The following CCBE1 variants were observed in gnomAD, a reference collection of about 807,000 sequenced individuals.
CCBE1 encodes the protein collagen and calcium binding EGF domains 1.
Under a neutral mutation model 50.0 loss-of-function variants are expected in CCBE1, and 37 were observed. The ratio of observed to expected loss-of-function variants is 0.74; its 90% CI spans 0.57 to 0.97. The LOEUF is 0.97. CCBE1 is among the 50% of genes least tolerant of loss of function. The pLI, the probability that CCBE1 is intolerant of heterozygous loss-of-function variation, is 0.00. For synonymous variants in CCBE1, 234 were observed against 203.7 expected (o/e 1.15, Z -1.27); for missense variants, 538 against 523.8 (o/e 1.03, Z -0.26).
chr18:59,539,976 C>T (rs1295136801), intron 2 of CCBE1, among the ~76,000 whole-genome samples: 2 of 152,120 alleles, frequency 1.3e-5, no homozygotes, highest in Non-Finnish European at 2.9e-5. Flanking sequence ...TTGGTAAGTT[C>T]TCCCTACCCA....
chr18:59,449,357 C>T (rs1910822133), intron 6 of CCBE1, among the ~76,000 whole-genome samples: 1 of 141,016 alleles, frequency 7.1e-6, no homozygotes, highest in Non-Finnish European at 1.5e-5. Flanking sequence ...CACTGTGGCT[C>T]ATGTCTCTAA....
intron 2 of CCBE1, among the ~76,000 whole-genome samples, chr18:59,541,561 G>C (rs959119686): frequency 1.3e-5 from 2 of 152,156 alleles, no homozygotes; most frequent in Non-Finnish European, 2.9e-5. Context: ...GAAAAGGGGG[G>C]TATAGTTCTG....
chr18:59,456,516 C>T (rs1190359930), intron 5 of CCBE1, among the ~76,000 whole-genome samples: 5 of 152,088 alleles, frequency 3.3e-5, no homozygotes, highest in Non-Finnish European at 5.9e-5. Flanking sequence ...AAAAATTGCC[C>T]GCTGATGACC....
At chr18:59,566,522 T>C (rs1361025860) in intron 2 of CCBE1, among the ~76,000 whole-genome samples, 3 of 152,204 alleles carry the variant, frequency 2.0e-5, no homozygotes, top group Non-Finnish European at 4.4e-5. Flanking sequence ...TCGCCAGATT[T>C]ATCCTTAATA....
intron 2 of CCBE1, among the ~76,000 whole-genome samples, chr18:59,651,038 C>T (rs1488823581): frequency 4.6e-5 from 7 of 152,128 alleles, no homozygotes; most frequent in African/African-American, 7.2e-5. Context: ...ACCTTTTCCT[C>T]GCCACAGCCA....
intron 2 of CCBE1, among the ~76,000 whole-genome samples, chr18:59,601,002 A>G (rs987217872): frequency 1.5e-4 from 10 of 68,528 alleles, no homozygotes; most frequent in African/African-American, 4.3e-4. Flanking sequence ...TTTATTAGCT[A>G]TGTGTCAGTT....
chr18:59,594,658 A>C (rs1023418931), intron 2 of CCBE1, among the ~76,000 whole-genome samples: 2 of 152,176 alleles, frequency 1.3e-5, no homozygotes, highest in African/African-American at 4.8e-5. Flanking sequence ...AAAAGGGGAA[A>C]AGATCTTCAA....
chr18:59,539,841 A>AC (rs1228701022), intron 2 of CCBE1, among the ~76,000 whole-genome samples: 7 of 152,250 alleles, frequency 4.6e-5, no homozygotes, highest in African/African-American at 1.7e-4. Context: ...CCAGACTAAT[A>AC]TTTTTAATTT....
At chr18:59,630,848 C>A (rs987318570) in intron 2 of CCBE1, among the ~76,000 whole-genome samples, 1 of 152,308 alleles carries the variant, frequency 6.6e-6, no homozygotes, top group East Asian at 1.9e-4. Context: ...GGCCTCCCTA[C>A]CTAACAACTC....
At chr18:59,554,990 C>T (rs1440821675) in intron 2 of CCBE1, among the ~76,000 whole-genome samples, 1 of 152,192 alleles carries the variant, frequency 6.6e-6, no homozygotes, top group Non-Finnish European at 1.5e-5. Flanking sequence ...CTGGTTTTGC[C>T]ACTTAGTTGT....
intron 7 of CCBE1, among the ~76,000 whole-genome samples, chr18:59,443,979 G>A (rs1444879143): frequency 6.6e-6 from 1 of 152,132 alleles, no homozygotes; most frequent in Non-Finnish European, 1.5e-5. Flanking sequence ...TTATATAAGT[G>A]TTAATTATAT....
At chr18:59,683,915 GCCAAGA>G (rs140519500) in intron 2 of CCBE1, among the ~76,000 whole-genome samples, 3,976 of 151,414 alleles carry the variant, frequency 0.026, 152 homozygotes, top group African/African-American at 0.091. Flanking sequence ...TCCCGGCTGT[GCCAAGA>G]CCTCAAACCC....
At chr18:59,509,689 A>T (rs1467381214) in intron 2 of CCBE1, among the ~76,000 whole-genome samples, 2 of 152,196 alleles carry the variant, frequency 1.3e-5, no homozygotes, top group South Asian at 2.1e-4. Context: ...TGCCCGGTGG[A>T]AACAAGCCAT....
At chr18:59,549,121 A>AAAT (rs397756365) in intron 2 of CCBE1, among the ~76,000 whole-genome samples, 1 of 150,610 alleles carries the variant, frequency 6.6e-6, no homozygotes, top group East Asian at 1.9e-4. Flanking sequence ...AAAAAAAAAA[A>AAAT]TTCACTTTGC....
intron 2 of CCBE1, among the ~76,000 whole-genome samples, chr18:59,679,759 T>C (rs2054560629): frequency 6.6e-6 from 1 of 152,210 alleles, no homozygotes; most frequent in South Asian, 2.1e-4. Context: ...CAGGAGGTCC[T>C]GACTACATGT....
chr18:59,589,808 A>AAG (rs1555696075), intron 2 of CCBE1, among the ~76,000 whole-genome samples: 16 of 132,408 alleles, frequency 1.2e-4, no homozygotes, highest in African/African-American at 3.9e-4. Context: ...AAAAAAAAAA[A>AAG]AAAGAAAGAA....
chr18:59,469,758 G>A, intron 3 of CCBE1, 151 bp from the exon 4 acceptor site: 1 of 1,001,878 alleles, frequency 1.0e-6, no homozygotes, highest in Non-Finnish European at 1.5e-6. Context: ...ACTCTTTAGG[G>A]CTGTGGGTCA....
intron 2 of CCBE1, among the ~76,000 whole-genome samples, chr18:59,575,052 G>T (rs1042563822): frequency 6.6e-6 from 1 of 152,148 alleles, no homozygotes; most frequent in Non-Finnish European, 1.5e-5. Context: ...GCAGAGGATC[G>T]GGGCGATTCT....
intron 2 of CCBE1, among the ~76,000 whole-genome samples, chr18:59,672,794 T>C (rs2054451481): frequency 6.6e-6 from 1 of 152,220 alleles, no homozygotes; most frequent in South Asian, 2.1e-4. Flanking sequence ...AACTGTATTT[T>C]ATAAGTGGGA....
Sources: allele counts gnomAD v4.1 joint callset (sites outside exome capture counted in the v4.1 genomes callset), GRCh38; gene constraint gnomAD v4.1.1; transcripts MANE v1.5; gene names NCBI Gene and HGNC (gene_info 2026-07-23, HGNC 2026-07-21).